The following TMTC2 variants were observed in gnomAD, a reference collection of about 807,000 sequenced individuals.
TMTC2 encodes the protein transmembrane O-mannosyltransferase targeting cadherins 2.
A neutral mutation model predicts 82.4 loss-of-function variants in TMTC2; 43 were observed. The ratio of observed to expected loss-of-function variants is 0.52; its 90% confidence interval spans 0.41 to 0.67. TMTC2 has a LOEUF of 0.67. Among genes scored for constraint, TMTC2 ranks in the 30% least tolerant of loss-of-function variants. The pLI, the probability that TMTC2 is intolerant of heterozygous loss-of-function variation, is 0.00. For missense variants in TMTC2, 919 were observed against 1,012.4 expected (o/e 0.91, Z 1.25); for synonymous variants, 408 against 381.9 (o/e 1.07, Z -0.80).
At chr12:82,759,976 A>G (rs1876521599) in intron 1 of TMTC2, 1 of 152,222 alleles carries the variant, frequency 6.6e-6, no homozygotes, top group South Asian at 2.1e-4. Flanking sequence ...TTTTTACAGA[A>G]GTACCGTGTA....
At chr12:82,742,151 A>G (rs946395316) in intron 1 of TMTC2, among the ~76,000 whole-genome samples, 7 of 152,136 alleles carry the variant, frequency 4.6e-5, no homozygotes, top group Admixed American at 2.6e-4. Flanking sequence ...GCGCATCCCT[A>G]CTTATTTACT....
chr12:82,696,910 T>C (rs1461803312), intron 1 of TMTC2, among the ~76,000 whole-genome samples: 3 of 151,222 alleles, frequency 2.0e-5, no homozygotes, highest in African/African-American at 7.3e-5. Context: ...AGCATCTCCC[T>C]AAAGGGATGC....
chr12:82,706,639 T>C (rs1220556912), intron 1 of TMTC2, among the ~76,000 whole-genome samples: 1 of 152,226 alleles, frequency 6.6e-6, no homozygotes, highest in Non-Finnish European at 1.5e-5. Context: ...TGGTGATTAG[T>C]ATTTTAAAAA....
At chr12:83,037,391 T>A (rs1217884361) in intron 9 of TMTC2, among the ~76,000 whole-genome samples, 1 of 152,234 alleles carries the variant, frequency 6.6e-6, no homozygotes, top group Non-Finnish European at 1.5e-5. Flanking sequence ...AGGAATTTTT[T>A]AATTACATAA....
At chr12:83,088,482 T>C (rs1883734735) in intron 11 of TMTC2, among the ~76,000 whole-genome samples, 2 of 152,220 alleles carry the variant, frequency 1.3e-5, no homozygotes, top group Non-Finnish European at 2.9e-5. Flanking sequence ...CCAGCTTTTC[T>C]TTTATAACGA....
chr12:82,718,531 C>A (rs144069717), intron 1 of TMTC2, among the ~76,000 whole-genome samples: 1 of 152,284 alleles, frequency 6.6e-6, no homozygotes, highest in African/African-American at 2.4e-5. Flanking sequence ...GAACCCTGGG[C>A]CCCTGTGCCC....
intron 7 of TMTC2, among the ~76,000 whole-genome samples, chr12:82,968,244 A>G (rs1051372984): frequency 1.3e-5 from 2 of 152,150 alleles, no homozygotes; most frequent in African/African-American, 4.8e-5. Flanking sequence ...TCTTTGGTAT[A>G]ATTACTAAAA....
chr12:83,060,064 T>C (rs1174463394), intron 10 of TMTC2, among the ~76,000 whole-genome samples: 1 of 151,544 alleles, frequency 6.6e-6, no homozygotes, highest in African/African-American at 2.4e-5. Flanking sequence ...AATACCCTAG[T>C]GAGGGAATTT....
intron 1 of TMTC2, among the ~76,000 whole-genome samples, chr12:82,811,081 A>T (rs1361023884): frequency 6.6e-6 from 1 of 151,890 alleles, no homozygotes; most frequent in African/African-American, 2.4e-5. Context: ...AATACAAAAA[A>T]ATTAGCCAGG....
chr12:83,046,381 G>A (rs150618830), intron 9 of TMTC2, among the ~76,000 whole-genome samples: 7 of 152,282 alleles, frequency 4.6e-5, no homozygotes, highest in African/African-American at 1.7e-4. Context: ...CAAATCTCAG[G>A]CACTATCCCA....
intron 11 of TMTC2, among the ~76,000 whole-genome samples, chr12:83,131,905 T>C (rs950865917): frequency 9.2e-5 from 14 of 152,352 alleles, no homozygotes; most frequent in Non-Finnish European, 1.5e-4. Context: ...AAGGTTTTTT[T>C]CTCAAATAGT....
chr12:82,833,649 G>C (rs1412237827), intron 1 of TMTC2, among the ~76,000 whole-genome samples: 2 of 152,180 alleles, frequency 1.3e-5, no homozygotes, highest in East Asian at 1.9e-4. Flanking sequence ...CTGTTAATCT[G>C]TTAGCTAATT....
At chr12:82,828,003 C>A (rs1434293746) in intron 1 of TMTC2, among the ~76,000 whole-genome samples, 1 of 151,654 alleles carries the variant, frequency 6.6e-6, no homozygotes, top group African/African-American at 2.4e-5. Flanking sequence ...AACAATTCTC[C>A]TGTCTCCGCC....
At chr12:82,882,872 A>G (rs535200950) in intron 2 of TMTC2, among the ~76,000 whole-genome samples, 1 of 152,186 alleles carries the variant, frequency 6.6e-6, no homozygotes, top group South Asian at 2.1e-4. Context: ...CCTGATCAAC[A>G]TCGTGAAACC....
rs552830054 is a variant in TMTC2, at chr12:82,858,034, C to G, written c.654+454C>G. 1.1e-4 allele frequency among the ~76,000 whole-genome samples: 16 copies of G among 152,308 alleles called. 1 individual carries two copies. The highest frequency in any genetic ancestry group is 3.8e-4 in the African/African-American group (16 of 41,576). ...GAGTTGACTTTGGAAAACAATCCTTCCCTTTAGTGCACTGGGAAGTCAAAT... is the reference window on the plus strand; with the variant it reads ...GAGTTGACTTTGGAAAACAATCCTTGCCTTTAGTGCACTGGGAAGTCAAAT... On this transcript the variant is annotated intron_variant, in intron 2 of 11. Coordinates refer to ENST00000321196, the MANE Select transcript of TMTC2 (RefSeq NM_152588.3).
At chr12:82,851,863 A>G (rs1389588829) in intron 1 of TMTC2, among the ~76,000 whole-genome samples, 1 of 151,964 alleles carries the variant, frequency 6.6e-6, no homozygotes, top group Non-Finnish European at 1.5e-5. Flanking sequence ...ACTACTGGTC[A>G]TTACTTACAT....
Position 83,132,258 on chromosome 12 carries a change from A to AGCC in TMTC2, c.2381_2382insCCG (p.Gly793_Arg794insSer). ...GGGAGCCATTCTGCACCTCAATGGCAGACTCCAGAAGGCCGAGGCCAACTA... is the reference window on the plus strand; with the variant it reads ...GGGAGCCATTCTGCACCTCAATGGCAGCCGACTCCAGAAGGCCGAGGCCAACTA... On this transcript the variant is annotated inframe_insertion, in exon 12 of 12. Coordinates refer to ENST00000321196, the MANE Select transcript of TMTC2 (RefSeq NM_152588.3). 1 of 1,613,824 alleles carries AGCC rather than the reference A, an allele frequency of 6.2e-7. No homozygotes were observed. The highest frequency in any genetic ancestry group is 8.5e-7 in the Non-Finnish European group (1 of 1,179,878).
intron 1 of TMTC2, among the ~76,000 whole-genome samples, chr12:82,721,731 A>C (rs1290931408): frequency 1.3e-5 from 2 of 152,238 alleles, no homozygotes; most frequent in African/African-American, 4.8e-5. Context: ...TTTATGGAAA[A>C]GTCAGTGTCT....
chr12:82,966,875 C>A (rs781700746), intron 6 of TMTC2, 44 bp from the exon 7 acceptor site: 3 of 1,375,558 alleles, frequency 2.2e-6, no homozygotes, highest in Non-Finnish European at 2.1e-6. Context: ...ACGATCCCTG[C>A]ACTTTATTGA....
Sources: gnomAD v4.1 joint callset for allele counts (sites outside exome capture counted in the v4.1 genomes callset) on GRCh38, gnomAD v4.1.1 for gene constraint, MANE v1.5 for transcripts, NCBI Gene and HGNC (gene_info 2026-07-23, HGNC 2026-07-21) for gene names.